EPB41L4B: variants seen among roughly 807,000 people sequenced by gnomAD.
The protein encoded by EPB41L4B is band 4.1-like protein 4B.
Under a neutral mutation model 112.5 loss-of-function variants are expected in EPB41L4B, and 30 were observed. That is an observed-to-expected ratio of 0.27 (90% CI 0.20 to 0.36). The LOEUF (loss-of-function observed/expected upper bound fraction) is 0.36, where lower values mean the gene tolerates loss of function less well. EPB41L4B is among the 10% of genes least tolerant of loss of function. EPB41L4B has a pLI of 1.00. For missense variants in EPB41L4B, 1,024 were observed against 1,133.3 expected (o/e 0.90, Z 1.38); for synonymous variants, 408 against 439.7 (o/e 0.93, Z 0.90).
At chr9:109,277,184 G>A (rs1244676791) in intron 2 of EPB41L4B, among the ~76,000 whole-genome samples, 5 of 152,122 alleles carry the variant, frequency 3.3e-5, no homozygotes, top group African/African-American at 1.2e-4. Flanking sequence ...GAAGAGGGCT[G>A]GAGAGTGGCA....
chr9:109,182,091 C>T (rs1324774839), intron 24 of EPB41L4B, among the ~76,000 whole-genome samples: 1 of 152,090 alleles, frequency 6.6e-6, no homozygotes, highest in African/African-American at 2.4e-5. Context: ...CAGCTGTAAT[C>T]CTAGCTACTC....
chr9:109,262,817 G>C (rs1002334353), intron 6 of EPB41L4B, among the ~76,000 whole-genome samples: 2 of 151,952 alleles, frequency 1.3e-5, no homozygotes, highest in Non-Finnish European at 2.9e-5. Context: ...CCCCACAATG[G>C]GCCTTCCTTG....
At position 109,200,239 on chromosome 9, in the gene EPB41L4B, C is replaced by T; in HGVS notation, c.2042G>A (p.Ser681Asn). The T allele has an allele frequency of 1.2e-6, 2 of 1,613,608 alleles. No individual in the cohort carries two copies. Among genetic ancestry groups the T allele is most frequent in the South Asian group, 2.2e-5 (2 of 91,046 alleles). ...PRVRKLTRQY[S>N]FDEDDLPPDL... ...AAAGTTGCAGTACAGAACTCACAAACTATACTGTCTTGTTAACTTCCTCAC... is the reference window on the plus strand; with the variant it reads ...AAAGTTGCAGTACAGAACTCACAAATTATACTGTCTTGTTAACTTCCTCAC... Residue 681 changes from serine (S) to asparagine (N), a missense_variant, in exon 20 of 26, where the codon AGT (serine) becomes AAT (asparagine). Ser to Asn is a conservative substitution (Grantham distance 46). Transcript: ENST00000374566.
intron 1 of EPB41L4B, among the ~76,000 whole-genome samples, chr9:109,310,744 G>C (rs1441759626): frequency 6.6e-6 from 1 of 152,244 alleles, no homozygotes; most frequent in African/African-American, 2.4e-5. Context: ...AGTGCCACAA[G>C]TGAATGGGTA....
intron 2 of EPB41L4B, among the ~76,000 whole-genome samples, chr9:109,270,281 T>C (rs1407972413): frequency 6.6e-6 from 1 of 152,246 alleles, no homozygotes; most frequent in African/African-American, 2.4e-5. Context: ...AAAATTATTA[T>C]TTTCTATCTA....
chr9:109,298,905 A>C lies in EPB41L4B; in HGVS notation c.307-18984T>G, dbSNP rs761683766. Among the ~76,000 whole-genome samples, 41 of 152,298 alleles carry C rather than the reference A, an allele frequency of 2.7e-4. No individual in the cohort carries two copies. In the South Asian group the frequency reaches 2.9e-3, roughly 11 times the overall value. ...AAAAAAGTACACCATGTCCAAAGGT[A>C]CCCCTGCAAGAGTACCACCAGACCA... On this transcript the variant is annotated intron_variant, in intron 1 of 25. Coordinates refer to ENST00000374566, the MANE Select transcript of EPB41L4B (RefSeq NM_019114.5).
In EPB41L4B at chr9:109,174,392, T is replaced by C; in HGVS notation, c.*162A>G. The C allele has an allele frequency of 1.5e-6, 1 of 650,804 alleles. No homozygotes were observed. Among genetic ancestry groups the C allele is most frequent in the South Asian group, 1.8e-5 (1 of 55,682 alleles). 40.3% of individuals were successfully genotyped at this position (650,804 alleles called of 1,614,324 possible). ...AATGCTTAGGAGACATAAAATAACT[T>C]TTCCCATAAAAGTCAAGCCAGAAAT... On this transcript the variant is annotated 3_prime_UTR_variant, in exon 26 of 26. Transcript: ENST00000374566.
chr9:109,245,252 C>T (rs1009477387), intron 14 of EPB41L4B, among the ~76,000 whole-genome samples: 36 of 152,188 alleles, frequency 2.4e-4, no homozygotes, highest in African/African-American at 8.7e-4. Flanking sequence ...CATTCATTGG[C>T]TGTTCAACAA....
chr9:109,216,785 C>T, intron 16 of EPB41L4B, 137 bp downstream of exon 16: 1 of 905,462 alleles, frequency 1.1e-6, no homozygotes. Flanking sequence ...TACTCTGGCC[C>T]AAACCCGGTA....
At chr9:109,260,616 T>C (rs529298661) in intron 6 of EPB41L4B, among the ~76,000 whole-genome samples, 8 of 152,252 alleles carry the variant, frequency 5.3e-5, no homozygotes, top group Admixed American at 5.2e-4. Flanking sequence ...AGTTTTACTA[T>C]GTTGGCCAGG....
chr9:109,319,694 G>T (rs1016332624), intron 1 of EPB41L4B, among the ~76,000 whole-genome samples: 14 of 152,320 alleles, frequency 9.2e-5, no homozygotes, highest in African/African-American at 3.4e-4. Context: ...GAGTTTGAGG[G>T]GGGACAAGCT....
intron 1 of EPB41L4B, among the ~76,000 whole-genome samples, chr9:109,281,660 G>A (rs1018203721): frequency 2.6e-5 from 4 of 151,756 alleles, no homozygotes; most frequent in Non-Finnish European, 4.4e-5. Context: ...ACTCAGCCTC[G>A]GCGGTAGAGC....
chr9:109,320,418 C>T lies in EPB41L4B; in HGVS notation c.29G>A (p.Gly10Asp). The change falls in exon 1 of 26, where the codon GGC becomes GAC. Residue 10 changes from glycine (G) to aspartate (D), a missense_variant. Coordinates refer to ENST00000374566, the MANE Select transcript of EPB41L4B (RefSeq NM_019114.5). MLRFLRRTF[G>D]RRSMQRYARG... ...CGCGTAGCGCTGCATGGAGCGGCGG[C>T]CAAAGGTCCGGCGCAGGAACCGCAG... 1 of 990,454 alleles carries T rather than the reference C, an allele frequency of 1.0e-6. No homozygotes were observed. The highest frequency in any genetic ancestry group is 1.2e-6 in the Non-Finnish European group (1 of 834,856). The allele number at this position is 990,454 out of a possible 1,614,324, so 61.4% of individuals were successfully genotyped here. A position where few individuals can be genotyped will look rare whatever the true frequency, so the allele number is the denominator to read the frequency against.
chr9:109,267,721 G>C (rs1835460080), intron 3 of EPB41L4B, among the ~76,000 whole-genome samples, 170 bp from the exon 4 acceptor site: 1 of 152,212 alleles, frequency 6.6e-6, no homozygotes, highest in Admixed American at 6.5e-5. Context: ...CAGGGAAACT[G>C]AGATGGATGG....
intron 15 of EPB41L4B, among the ~76,000 whole-genome samples, chr9:109,228,637 G>A (rs1833860585): frequency 6.6e-6 from 1 of 152,108 alleles, no homozygotes; most frequent in African/African-American, 2.4e-5. Flanking sequence ...TGTTGAAAAA[G>A]AAAAAAGCAC....
intron 14 of EPB41L4B, 29 bp downstream of exon 14, chr9:109,247,722 TCTTTA>T (rs1362265502): frequency 7.4e-7 from 1 of 1,342,324 alleles, no homozygotes; most frequent in East Asian, 2.6e-5. Flanking sequence ...AAATTTTCCT[TCTTTA>T]AAGAAAACCT....
At chr9:109,204,374 A>C (rs747202707) in intron 18 of EPB41L4B, among the ~76,000 whole-genome samples, 5 of 152,196 alleles carry the variant, frequency 3.3e-5, no homozygotes, top group Non-Finnish European at 7.4e-5. Context: ...TTCTAAATAC[A>C]TATTGAGCAA....
chr9:109,240,949 T>G, intron 15 of EPB41L4B: 1 of 985,452 alleles, frequency 1.0e-6, no homozygotes. Context: ...TACGACTGCT[T>G]AAATTCAAAG....
intron 1 of EPB41L4B, among the ~76,000 whole-genome samples, chr9:109,290,084 A>C (rs1836468447): frequency 6.6e-6 from 1 of 152,124 alleles, no homozygotes. Flanking sequence ...GACTGCACAC[A>C]GTTGTACCAC....
Sources: gnomAD v4.1 joint callset for allele counts (sites outside exome capture counted in the v4.1 genomes callset) on GRCh38, gnomAD v4.1.1 for gene constraint, MANE v1.5 for transcripts, NCBI Gene and HGNC (gene_info 2026-07-23, HGNC 2026-07-21) for gene names.